Variants in MEGF6 observed in about 807,000 individuals in gnomAD.
The protein encoded by MEGF6 is multiple epidermal growth factor-like domains protein 6.
In MEGF6, 184 loss-of-function variants were observed where a neutral mutation model predicts 207.1. The ratio of observed to expected loss-of-function variants is 0.89; its 90% confidence interval spans 0.79 to 1.00. MEGF6 has a LOEUF of 1.00. MEGF6 is among the 50% of genes least tolerant of loss of function. The pLI is 0.00. For synonymous variants in MEGF6, 1,038 were observed against 910.0 expected (o/e 1.14, Z -2.53); for missense variants, 2,282 against 2,202.9 (o/e 1.04, Z -0.72).
chr1:3,533,802 C>T (rs979952774), intron 4 of MEGF6, among the ~76,000 whole-genome samples: 14 of 152,218 alleles, frequency 9.2e-5, no homozygotes, highest in African/African-American at 2.9e-4. Context: ...CAACAGGCGA[C>T]GGGGCTGGGG....
chr1:3,507,647 G>T, intron 14 of MEGF6, 148 bp downstream of exon 14: 1 of 987,736 alleles, frequency 1.0e-6, no homozygotes, highest in Non-Finnish European at 1.6e-6. Context: ...AGGGAGGCAG[G>T]AAGGAAAGGG....
chr1:3,589,137 T>C (rs1340163747), intron 3 of MEGF6, among the ~76,000 whole-genome samples: 1 of 152,006 alleles, frequency 6.6e-6, no homozygotes, highest in Non-Finnish European at 1.5e-5. Context: ...GAGATGACCA[T>C]GTAGAGACGG....
At chr1:3,610,835 G>T (rs866289982) in intron 1 of MEGF6, among the ~76,000 whole-genome samples, 1 of 152,082 alleles carries the variant, frequency 6.6e-6, no homozygotes, top group East Asian at 1.9e-4. Flanking sequence ...CCCGGAAAGG[G>T]GCCCAGATTC....
intron 2 of MEGF6, among the ~76,000 whole-genome samples, chr1:3,598,025 A>G (rs1644096531): frequency 6.6e-6 from 1 of 152,208 alleles, no homozygotes; most frequent in African/African-American, 2.4e-5. Flanking sequence ...AGACATAGAA[A>G]GAGAAATCGA....
At position 3,601,061 on chromosome 1, in the gene MEGF6, C is replaced by T. The variant is rs556842561; in HGVS notation, c.266+1405G>A. On this transcript the variant is annotated intron_variant, in intron 2 of 36. Coordinates refer to ENST00000356575, the MANE Select transcript of MEGF6 (RefSeq NM_001409.4). ...CCTCCAAGCAGGGGGACTTTGTCCA[C>T]GGCTGCCCCCAGTGCCCTGCCAGGA... 2.6e-3 allele frequency among the ~76,000 whole-genome samples: 391 copies of T among 152,304 alleles called. 2 individuals are homozygous for T. Among genetic ancestry groups the T allele is most frequent in the African/African-American group, 7.8e-3 (326 of 41,562 alleles).
At chr1:3,516,397 G>T (rs1455888607) in intron 5 of MEGF6, among the ~76,000 whole-genome samples, 1 of 152,238 alleles carries the variant, frequency 6.6e-6, no homozygotes, top group African/African-American at 2.4e-5. Flanking sequence ...AGCTCAGAGG[G>T]AAGCCGCAAG....
chr1:3,509,914 C>A lies in MEGF6; in HGVS notation c.1313G>T (p.Cys438Phe). 1 of 1,566,676 alleles carries A rather than the reference C, an allele frequency of 6.4e-7. No homozygotes were observed. ...TNLAGSFQCS[C>F]EAGYRLHEDR... Reference sequence around the variant, plus strand: ...CTCGTGCAGCCGGTAGCCGGCCTCGCAGGAGCACTGGAAGGAGCCGGCCAG... The same window carrying A: ...CTCGTGCAGCCGGTAGCCGGCCTCGAAGGAGCACTGGAAGGAGCCGGCCAG... The change falls in exon 11 of 37, where the codon TGC becomes TTC. Residue 438 changes from cysteine (C) to phenylalanine (F), a missense_variant. Coordinates refer to ENST00000356575, the MANE Select transcript of MEGF6 (RefSeq NM_001409.4).
intron 5 of MEGF6, among the ~76,000 whole-genome samples, chr1:3,518,554 G>A (rs1351674587): frequency 6.6e-6 from 1 of 152,248 alleles, no homozygotes; most frequent in African/African-American, 2.4e-5. Flanking sequence ...TGAGCTCGTT[G>A]GCTGACTGGC....
intron 4 of MEGF6, among the ~76,000 whole-genome samples, chr1:3,551,742 G>C (rs1188218246): frequency 6.6e-6 from 1 of 152,090 alleles, no homozygotes; most frequent in Non-Finnish European, 1.5e-5. Flanking sequence ...GGAGCTGGAT[G>C]GGGGGAGCTG....
At chr1:3,491,098 T>G in intron 35 of MEGF6, 139 bp from the exon 36 acceptor site, 1 of 452,806 alleles carries the variant, frequency 2.2e-6, no homozygotes, top group Non-Finnish European at 3.6e-6. Flanking sequence ...CTCAGTCCTT[T>G]GCACTCGGGG....
At chr1:3,541,072 G>C (rs942989916) in intron 4 of MEGF6, among the ~76,000 whole-genome samples, 7 of 152,196 alleles carry the variant, frequency 4.6e-5, no homozygotes, top group Non-Finnish European at 8.8e-5. Flanking sequence ...CCAGGCGCAG[G>C]CTGGGGCCCT....
chr1:3,618,016 GCTGCC>G, the MEGF6 span, among the ~76,000 whole-genome samples: 2 of 152,272 alleles, frequency 1.3e-5, no homozygotes, highest in East Asian at 3.9e-4. The surrounding 1 kb of genome is among the most constrained non-coding windows in gnomAD (Gnocchi z 4.7). Flanking sequence ...CACAGCGGGT[GCTGCC>G]CTGCCCTGCC....
intron 4 of MEGF6, among the ~76,000 whole-genome samples, chr1:3,568,149 A>G (rs1390223422): frequency 6.6e-6 from 1 of 152,164 alleles, no homozygotes; most frequent in African/African-American, 2.4e-5. Flanking sequence ...TTGACTCGTC[A>G]ACATGTCTAC....
At chr1:3,572,612 C>CTCCTGGGTGTGCTGGGTCCT (rs1192362725) in intron 4 of MEGF6, among the ~76,000 whole-genome samples, 3 of 142,936 alleles carry the variant, frequency 2.1e-5, no homozygotes, top group Admixed American at 6.9e-5. Context: ...ATGCTGGGTC[C>CTCCTGGGTGTGCTGGGTCCT]TCCTGGGTGT....
intron 4 of MEGF6, among the ~76,000 whole-genome samples, chr1:3,531,632 C>T (rs1417418092): frequency 6.6e-6 from 1 of 152,104 alleles, no homozygotes; most frequent in Non-Finnish European, 1.5e-5. Flanking sequence ...CAAACGCAGA[C>T]ATCCACATGT....
chr1:3,511,519 G>C (rs901206535), intron 9 of MEGF6, 31 bp downstream of exon 9: 1 of 1,583,968 alleles, frequency 6.3e-7, no homozygotes, highest in Non-Finnish European at 8.6e-7. Context: ...CTGGAGTGGG[G>C]TGCAGGCATC....
At chr1:3,557,858 C>T (rs983280079) in intron 4 of MEGF6, among the ~76,000 whole-genome samples, 1 of 152,212 alleles carries the variant, frequency 6.6e-6, no homozygotes, top group Non-Finnish European at 1.5e-5. Flanking sequence ...TATGAGGCGC[C>T]GTCCGGGTGG....
At position 3,488,365 on chromosome 1, in the gene MEGF6, G is replaced by GC. The variant is rs918211173; in HGVS notation, c.*2162dup. Among the ~76,000 whole-genome samples the GC allele has an allele frequency of 1.3e-5, 2 of 152,116 alleles. No homozygotes were observed. The highest frequency in any genetic ancestry group is 2.9e-5 in the Non-Finnish European group (2 of 68,028). On this transcript the variant is annotated 3_prime_UTR_variant, in exon 37 of 37. Coordinates refer to ENST00000356575, the MANE Select transcript of MEGF6 (RefSeq NM_001409.4). ...GGGATGAGTGATTGGTACCTGCCAG[G>GC]CCCCCCGTCCACACCCTCACACCAT...
chr1:3,590,307 T>C (rs1358970829), intron 3 of MEGF6, among the ~76,000 whole-genome samples: 1 of 152,110 alleles, frequency 6.6e-6, no homozygotes, highest in Admixed American at 6.5e-5. Flanking sequence ...CCAGGGAGAC[T>C]CCGGCTGAAA....
Sources: gnomAD v4.1 joint callset for allele counts (sites outside exome capture counted in the v4.1 genomes callset) on GRCh38, gnomAD v4.1.1 for gene constraint, Gnocchi (gnomAD v3.1) non-coding constraint, MANE v1.5 for transcripts, NCBI Gene and HGNC (gene_info 2026-07-23, HGNC 2026-07-21) for gene names.